Variants in PTCH1 observed in about 807,000 individuals in gnomAD.
The protein encoded by PTCH1 is patched 1.
Under a neutral mutation model 144.6 loss-of-function variants are expected in PTCH1, and 14 were observed. The observed-to-expected ratio is 0.10, with a 90% CI of 0.06 to 0.15. The LOEUF is 0.15. Ranked by LOEUF, PTCH1 falls within the 10% of genes least tolerant of loss-of-function variation. The pLI, the probability that PTCH1 is intolerant of heterozygous loss-of-function variation, is 1.00. For synonymous variants in PTCH1, 833 were observed against 793.6 expected (o/e 1.05, Z -0.83); for missense variants, 1,623 against 1,948.3 (o/e 0.83, Z 3.14).
intron 2 of PTCH1, among the ~76,000 whole-genome samples, chr9:95,494,687 T>C (rs1190454880): frequency 6.6e-6 from 1 of 151,954 alleles, no homozygotes; most frequent in East Asian, 1.9e-4. Context: ...GAGGCCACAC[T>C]CCAGCAGCAG....
intron 2 of PTCH1, among the ~76,000 whole-genome samples, chr9:95,500,291 C>T (rs1276628661): frequency 6.6e-6 from 1 of 152,126 alleles, no homozygotes; most frequent in Non-Finnish European, 1.5e-5. Context: ...TTCGCAGGGT[C>T]AACTGCCCTG....
At chr9:95,482,327 G>C in intron 3 of PTCH1, 124 bp from the exon 4 acceptor site, 2 of 975,256 alleles carry the variant, frequency 2.1e-6, no homozygotes, top group Non-Finnish European at 1.5e-6. Flanking sequence ...CTGTCAAAAC[G>C]AGCAGAGCTT....
chr9:95,505,339 C>T (rs946648827), intron 2 of PTCH1, among the ~76,000 whole-genome samples: 2 of 152,218 alleles, frequency 1.3e-5, no homozygotes, highest in African/African-American at 4.8e-5. Context: ...CCCTCCCCTA[C>T]TACCCTCTTG....
chr9:95,473,710 A>C (rs1840787397), intron 12 of PTCH1, among the ~76,000 whole-genome samples: 1 of 149,344 alleles, frequency 6.7e-6, no homozygotes, highest in South Asian at 2.1e-4. Flanking sequence ...GCGCCCGGCA[A>C]ATTTTGTATT....
At chr9:95,470,748 A>G (rs917844013) in intron 12 of PTCH1, among the ~76,000 whole-genome samples, 4 of 152,148 alleles carry the variant, frequency 2.6e-5, no homozygotes, top group African/African-American at 4.8e-5. Flanking sequence ...GGCAATGCTG[A>G]GGAGCCAGGA....
intron 18 of PTCH1, among the ~76,000 whole-genome samples, chr9:95,457,468 A>T (rs1259479387): frequency 1.3e-5 from 2 of 152,162 alleles, no homozygotes; most frequent in African/African-American, 4.8e-5. Flanking sequence ...GTTTTATTAG[A>T]CTCTACATGA....
At chr9:95,516,274 C>T (rs990049404) in intron 1 of PTCH1, among the ~76,000 whole-genome samples, 18 of 146,886 alleles carry the variant, frequency 1.2e-4, no homozygotes, top group Non-Finnish European at 2.7e-4. Context: ...GGGACCCGCG[C>T]TCCCGCGCCC....
intron 16 of PTCH1, among the ~76,000 whole-genome samples, chr9:95,460,925 T>C (rs980670055): frequency 9.2e-5 from 14 of 151,946 alleles, no homozygotes; most frequent in African/African-American, 3.1e-4. Flanking sequence ...GAGCTCAGAG[T>C]TTCACACTCC....
rs1372702512 is a variant in PTCH1, at chr9:95,449,691, C to T, written c.3549+150G>A. The T allele has an allele frequency of 1.2e-6, 1 of 846,400 alleles. No homozygotes were observed. The highest frequency in any genetic ancestry group is 1.7e-5 in the African/African-American group (1 of 59,422). The allele number at this position is 846,400 out of a possible 1,614,324, so 52.4% of individuals were successfully genotyped here. A position where few individuals can be genotyped will look rare whatever the true frequency, so the allele number is the denominator to read the frequency against. On this transcript the variant is annotated intron_variant, in intron 21 of 23. Transcript: ENST00000331920. The surrounding 1 kb of genome is among the most constrained non-coding windows in gnomAD (Gnocchi z 5.3). ...CGCCCTCTAGCCCTCAAAGCCAGTA[C>T]ACCGAAGAGGAAAACAGACATGACT... is the stretch of plus-strand genomic sequence containing the variant.
chr9:95,452,298 C>G (rs1838523339), intron 20 of PTCH1: 1 of 150,500 alleles, frequency 6.6e-6, no homozygotes. Flanking sequence ...CTTCTTTTTA[C>G]TTGAAGATAA....
At chr9:95,464,693 T>TA (rs1265019714) in intron 15 of PTCH1, among the ~76,000 whole-genome samples, 2 of 151,666 alleles carry the variant, frequency 1.3e-5, no homozygotes, top group Middle Eastern at 3.4e-3. Context: ...GTTTTAGGAG[T>TA]AAAAAAAATC....
chr9:95,453,415 C>A, intron 20 of PTCH1, 63 bp downstream of exon 20: 1 of 1,607,864 alleles, frequency 6.2e-7, no homozygotes, highest in Non-Finnish European at 8.5e-7. Context: ...CAGGCGTGAG[C>A]CACTGCACCC....
chr9:95,485,450 G>A (rs755727494), intron 3 of PTCH1, among the ~76,000 whole-genome samples: 35 of 152,290 alleles, frequency 2.3e-4, no homozygotes, highest in Non-Finnish European at 4.6e-4. Context: ...TTTGGGGACA[G>A]TGCCAAGATA....
In PTCH1 at chr9:95,453,501, T is replaced by A; in HGVS notation, c.3426A>T (p.Gly1142=). The change falls in exon 20 of 24, where the codon GGA becomes GGT. Residue 1142 remains glycine (G), a synonymous_variant. Coordinates refer to ENST00000331920, the MANE Select transcript of PTCH1 (RefSeq NM_000264.5). ...ACCTGACAATGAAGTCGAACTCAGA[T>A]CCCGCCAGCATCAGCACTCCCAGCA... The part of the protein sequence containing the change: ...STLLGVLMLA[G]SEFDFIVRYF... The A allele has an allele frequency of 1.2e-6, 2 of 1,614,096 alleles. No homozygotes were observed. Among genetic ancestry groups the A allele is most frequent in the Non-Finnish European group, 1.7e-6 (2 of 1,180,014 alleles).
intron 20 of PTCH1, chr9:95,451,278 C>T (rs540923587): frequency 2.0e-5 from 3 of 152,330 alleles, no homozygotes; most frequent in Admixed American, 2.0e-4. Context: ...GCATCCCATC[C>T]ATCTAGCTGA....
At chr9:95,490,556 C>CACACACAA (rs745936852) in intron 2 of PTCH1, among the ~76,000 whole-genome samples, 181 of 141,152 alleles carry the variant, frequency 1.3e-3, no homozygotes, top group Non-Finnish European at 8.9e-4. Context: ...CACACACACA[C>CACACACAA]AAAAGAAAGA....
At position 95,476,201 on chromosome 9, in the gene PTCH1, T is replaced by C. The variant is rs771708897; in HGVS notation, c.1603-42A>G. The C allele has an allele frequency of 2.1e-5, 33 of 1,594,792 alleles. No homozygotes were observed. The highest frequency in any genetic ancestry group is 2.8e-5 in the Non-Finnish European group (33 of 1,172,604). The stretch of plus-strand genomic sequence containing the variant: ...ACAGCGCTGAGAGCTGCACTGGACA[T>C]GGTCCCCTTGGAGCACAGACTGTGT... On this transcript the variant is annotated intron_variant, in intron 11 of 23. Transcript: ENST00000331920. The surrounding 1 kb of genome is among the most constrained non-coding windows in gnomAD (Gnocchi z 4.6).
intron 15 of PTCH1, among the ~76,000 whole-genome samples, chr9:95,466,067 G>A (rs1300103565): frequency 6.6e-6 from 1 of 152,078 alleles, no homozygotes; most frequent in African/African-American, 2.4e-5. Flanking sequence ...TATTTTTGGA[G>A]ATGGAGTCTC....
intron 1 of PTCH1, chr9:95,507,675 C>T: frequency 5.4e-6 from 1 of 184,650 alleles, no homozygotes; most frequent in South Asian, 1.8e-4. Flanking sequence ...ATTTCGGCTC[C>T]CTCCCCCCTT....
Sources: allele counts gnomAD v4.1 joint callset (sites outside exome capture counted in the v4.1 genomes callset), GRCh38; gene constraint gnomAD v4.1.1; non-coding constraint Gnocchi (gnomAD v3.1); transcripts MANE v1.5; gene names NCBI Gene and HGNC (gene_info 2026-07-23, HGNC 2026-07-21).